ACBD6: variants seen among roughly 807,000 people sequenced by gnomAD.
ACBD6 encodes acyl-CoA-binding domain-containing protein 6.
Under a neutral mutation model 37.2 loss-of-function variants are expected in ACBD6, and 28 were observed. The observed-to-expected ratio is 0.75, with a 90% CI of 0.56 to 1.03. ACBD6 has a LOEUF of 1.03. Among genes scored for constraint, ACBD6 ranks in the 50% least tolerant of loss-of-function variants. The pLI, the probability that ACBD6 is intolerant of heterozygous loss-of-function variation, is 0.00. For synonymous variants in ACBD6, 113 were observed against 126.8 expected, an observed-to-expected ratio of 0.89 and a Z score of 0.73; for missense variants, 340 against 337.4, an observed-to-expected ratio of 1.01 and a Z score of -0.06.
intron 4 of ACBD6, among the ~76,000 whole-genome samples, chr1:180,422,918 T>C (rs1275631193): frequency 6.6e-6 from 1 of 152,210 alleles, no homozygotes; most frequent in East Asian, 1.9e-4. Context: ...TAGTATAGTA[T>C]GTACTACAGT....
chr1:180,427,214 T>C (rs1454330702), intron 4 of ACBD6, among the ~76,000 whole-genome samples: 1 of 152,220 alleles, frequency 6.6e-6, no homozygotes. Flanking sequence ...ATTTATTAGA[T>C]AGTGATTTGC....
intron 4 of ACBD6, among the ~76,000 whole-genome samples, chr1:180,417,547 G>C (rs1273465090): frequency 6.6e-6 from 1 of 151,984 alleles, no homozygotes; most frequent in African/African-American, 2.4e-5. Context: ...TGTTTTTCTG[G>C]ACTCCTCAAT....
At chr1:180,379,003 A>G (rs1273520094) in intron 6 of ACBD6, among the ~76,000 whole-genome samples, 1 of 152,136 alleles carries the variant, frequency 6.6e-6, no homozygotes, top group Non-Finnish European at 1.5e-5. Context: ...CTGGAAGCCT[A>G]CAAGTCAGCC....
chr1:180,423,650 T>A (rs1305076698), intron 4 of ACBD6, among the ~76,000 whole-genome samples: 1 of 152,200 alleles, frequency 6.6e-6, no homozygotes, highest in Admixed American at 6.5e-5. Flanking sequence ...AGATAATTAG[T>A]TATACTGGAG....
chr1:180,339,365 G>A (rs963293119), intron 6 of ACBD6, among the ~76,000 whole-genome samples: 1 of 152,212 alleles, frequency 6.6e-6, no homozygotes, highest in African/African-American at 2.4e-5. Flanking sequence ...AAAATGATGA[G>A]TTAATGTCCT....
chr1:180,376,473 T>A (rs1002858842), intron 6 of ACBD6, among the ~76,000 whole-genome samples: 5 of 152,098 alleles, frequency 3.3e-5, no homozygotes, highest in African/African-American at 4.8e-5. Context: ...CTATGGTACA[T>A]CCACATAAGG....
chr1:180,450,717 G>A (rs6694439), intron 3 of ACBD6, among the ~76,000 whole-genome samples: 16,334 of 151,986 alleles, frequency 0.11, 1,285 homozygotes, highest in African/African-American at 0.21. Flanking sequence ...CCGAGATTGC[G>A]CCACTGCACT....
At chr1:180,435,586 C>G in intron 3 of ACBD6, 1 of 1,061,114 alleles carries the variant, frequency 9.4e-7, no homozygotes, top group Non-Finnish European at 1.4e-6. Flanking sequence ...CCCGAGTAAC[C>G]CAGAGCAACT....
intron 7 of ACBD6, among the ~76,000 whole-genome samples, chr1:180,300,271 A>C (rs143861713): frequency 4.0e-4 from 61 of 152,316 alleles, no homozygotes; most frequent in African/African-American, 1.4e-3. Context: ...AATAAAATAA[A>C]ATCAACAAAT....
intron 4 of ACBD6, among the ~76,000 whole-genome samples, chr1:180,415,076 C>CA (rs947808135): frequency 1.3e-5 from 2 of 148,840 alleles, no homozygotes; most frequent in African/African-American, 2.5e-5. Context: ...GACTCCATCT[C>CA]AAAAAAATAA....
At chr1:180,354,611 T>C (rs1307685301) in intron 6 of ACBD6, among the ~76,000 whole-genome samples, 2 of 152,176 alleles carry the variant, frequency 1.3e-5, no homozygotes, top group Non-Finnish European at 2.9e-5. Flanking sequence ...GGACTGCCGA[T>C]GAAAGAAAAG....
chr1:180,416,315 A>G (rs1335217699), intron 4 of ACBD6, among the ~76,000 whole-genome samples: 1 of 152,186 alleles, frequency 6.6e-6, no homozygotes, highest in Non-Finnish European at 1.5e-5. Context: ...CCATTTTCTA[A>G]GAGCTCAATA....
At chr1:180,448,417 T>C (rs1649558942) in intron 3 of ACBD6, among the ~76,000 whole-genome samples, 1 of 152,258 alleles carries the variant, frequency 6.6e-6, no homozygotes, top group East Asian at 1.9e-4. Context: ...TTTAGATCTC[T>C]ATCTCCCTTT....
At chr1:180,397,656 T>C in intron 5 of ACBD6, 51 bp from the exon 6 acceptor site, 2 of 1,385,708 alleles carry the variant, frequency 1.4e-6, no homozygotes, top group Non-Finnish European at 2.1e-6. Flanking sequence ...TGGAGCCATG[T>C]AAAAGATATA....
At chr1:180,473,462 A>AG (rs1650651450) in intron 3 of ACBD6, among the ~76,000 whole-genome samples, 4 of 151,968 alleles carry the variant, frequency 2.6e-5, no homozygotes, top group Admixed American at 2.6e-4. Context: ...AAAAAAAAAA[A>AG]AAACTTTTAC....
intron 3 of ACBD6, among the ~76,000 whole-genome samples, chr1:180,479,217 TCA>T (rs1650926488): frequency 1.3e-5 from 2 of 152,138 alleles, no homozygotes; most frequent in South Asian, 4.1e-4. Context: ...GCAGCACTAT[TCA>T]CAATGGCAAA....
intron 4 of ACBD6, among the ~76,000 whole-genome samples, chr1:180,426,768 G>C (rs1362257017): frequency 6.6e-6 from 1 of 152,152 alleles, no homozygotes; most frequent in Non-Finnish European, 1.5e-5. Context: ...GGTACTGTTC[G>C]AGGATGTCTA....
At chr1:180,413,277 T>C in intron 5 of ACBD6, 89 bp downstream of exon 5, 1 of 918,196 alleles carries the variant, frequency 1.1e-6, no homozygotes, top group Admixed American at 1.7e-5. Flanking sequence ...TACTTTGAGT[T>C]GTAGTTCATT....
At chr1:180,339,522 G>A (rs1651890295) in intron 6 of ACBD6, among the ~76,000 whole-genome samples, 1 of 100,038 alleles carries the variant, frequency 1.0e-5, no homozygotes, top group Non-Finnish European at 2.0e-5. Context: ...CACACCCCGG[G>A]GCCTGTTGTA....
Sources: allele counts gnomAD v4.1 joint callset (sites outside exome capture counted in the v4.1 genomes callset), GRCh38; gene constraint gnomAD v4.1.1; transcripts MANE v1.5; gene names NCBI Gene and HGNC (gene_info 2026-07-23, HGNC 2026-07-21).